CNTNAP5: variants seen among roughly 807,000 people sequenced by gnomAD.
CNTNAP5 encodes contactin associated protein family member 5.
CNTNAP5 carries 72 observed loss-of-function variants against 150.2 expected under a neutral mutation model. That is an observed-to-expected ratio of 0.48 (90% confidence interval 0.40 to 0.58). The LOEUF is 0.58. Among genes scored for constraint, CNTNAP5 ranks in the 20% least tolerant of loss-of-function variants. CNTNAP5 has a pLI of 0.00. For synonymous variants in CNTNAP5, 672 were observed against 619.8 expected (o/e 1.08, Z -1.25); for missense variants, 1,636 against 1,626.2 (o/e 1.01, Z -0.10).
intron 2 of CNTNAP5, among the ~76,000 whole-genome samples, chr2:124,235,469 C>T (rs1411088492): frequency 2.0e-5 from 3 of 151,418 alleles, no homozygotes; most frequent in Admixed American, 1.3e-4. Context: ...CAGAAGCTCT[C>T]AATTAATACC....
At chr2:124,862,710 C>A (rs969373806) in intron 19 of CNTNAP5, among the ~76,000 whole-genome samples, 3 of 152,146 alleles carry the variant, frequency 2.0e-5, no homozygotes, top group Non-Finnish European at 4.4e-5. Flanking sequence ...ATTAATGAGC[C>A]CCCAGCTCTG....
intron 3 of CNTNAP5, among the ~76,000 whole-genome samples, chr2:124,305,725 C>T (rs537679784): frequency 6.6e-6 from 1 of 152,184 alleles, no homozygotes; most frequent in Non-Finnish European, 1.5e-5. Context: ...TTCTCTCTTG[C>T]CTTTCTGCTT....
intron 12 of CNTNAP5, among the ~76,000 whole-genome samples, chr2:124,614,723 G>A (rs369407901): frequency 1.3e-5 from 2 of 152,236 alleles, no homozygotes; most frequent in African/African-American, 4.8e-5. Flanking sequence ...GGTTTTGGTG[G>A]TATTTGGCCA....
intron 3 of CNTNAP5, among the ~76,000 whole-genome samples, chr2:124,328,537 A>C (rs1377084120): frequency 1.3e-5 from 2 of 152,108 alleles, no homozygotes; most frequent in Non-Finnish European, 2.9e-5. Context: ...CCTTCTTTTT[A>C]TCACTCTATT....
chr2:124,309,783 G>A (rs1284453036), intron 3 of CNTNAP5, among the ~76,000 whole-genome samples: 2 of 152,172 alleles, frequency 1.3e-5, no homozygotes, highest in East Asian at 3.9e-4. Flanking sequence ...TTCCCATCAA[G>A]ATAGTTGAGA....
intron 19 of CNTNAP5, among the ~76,000 whole-genome samples, chr2:124,821,595 A>C (rs1682493010): frequency 6.6e-6 from 1 of 152,140 alleles, no homozygotes; most frequent in Non-Finnish European, 1.5e-5. Context: ...CAACTGTTCC[A>C]ATTACCTATT....
chr2:124,692,822 G>A (rs1373484657), intron 13 of CNTNAP5, among the ~76,000 whole-genome samples: 2 of 152,084 alleles, frequency 1.3e-5, no homozygotes, highest in Non-Finnish European at 2.9e-5. Flanking sequence ...AAACTGCACA[G>A]TGAACTGTTG....
At chr2:124,184,339 C>A (rs774794959) in intron 1 of CNTNAP5, among the ~76,000 whole-genome samples, 9 of 152,094 alleles carry the variant, frequency 5.9e-5, no homozygotes, top group Non-Finnish European at 1.3e-4. Flanking sequence ...CATGGAGAAG[C>A]AATGTGATTA....
chr2:124,196,058 T>TA (rs1685574693), intron 1 of CNTNAP5, among the ~76,000 whole-genome samples: 1 of 147,988 alleles, frequency 6.8e-6, no homozygotes, highest in Non-Finnish European at 1.5e-5. Context: ...TGATACCAGG[T>TA]AAAAAATAGC....
intron 3 of CNTNAP5, among the ~76,000 whole-genome samples, chr2:124,353,389 GT>G (rs147695088): frequency 1.4e-5 from 2 of 144,516 alleles, no homozygotes; most frequent in African/African-American, 5.1e-5. Flanking sequence ...TTTTTTCTTT[GT>G]TTTTTTTTCT....
At chr2:124,909,907 G>A (rs1558822853) in intron 22 of CNTNAP5, among the ~76,000 whole-genome samples, 4 of 144,920 alleles carry the variant, frequency 2.8e-5, no homozygotes. Flanking sequence ...CAGGTGTACA[G>A]AGATGATTAA....
At chr2:124,716,623 C>A (rs1015643269) in intron 13 of CNTNAP5, among the ~76,000 whole-genome samples, 3 of 152,038 alleles carry the variant, frequency 2.0e-5, no homozygotes, top group Non-Finnish European at 4.4e-5. Context: ...CTCTATACTC[C>A]TTCCATACTT....
intron 13 of CNTNAP5, among the ~76,000 whole-genome samples, chr2:124,652,238 C>G (rs934321254): frequency 2.6e-5 from 4 of 152,180 alleles, no homozygotes; most frequent in Non-Finnish European, 5.9e-5. Context: ...TCTCATGGAT[C>G]TTTGTCTTTC....
chr2:124,318,875 G>A (rs747623145), intron 3 of CNTNAP5, among the ~76,000 whole-genome samples: 5 of 152,014 alleles, frequency 3.3e-5, no homozygotes, highest in Non-Finnish European at 5.9e-5. Flanking sequence ...CATCATTACA[G>A]CACCTACTGG....
At chr2:124,332,399 C>T (rs143343390) in intron 3 of CNTNAP5, among the ~76,000 whole-genome samples, 1,777 of 151,226 alleles carry the variant, frequency 0.012, 30 homozygotes, top group African/African-American at 0.04. Context: ...TGTAAACCAG[C>T]ATTCTGTAGA....
At chr2:124,505,225 C>T (rs1205723370) in intron 8 of CNTNAP5, among the ~76,000 whole-genome samples, 1 of 152,152 alleles carries the variant, frequency 6.6e-6, no homozygotes, top group Non-Finnish European at 1.5e-5. Flanking sequence ...GGAATCTTCA[C>T]CATGCTTACG....
intron 1 of CNTNAP5, among the ~76,000 whole-genome samples, chr2:124,084,594 G>A (rs192100907): frequency 1.3e-3 from 201 of 151,846 alleles, no homozygotes; most frequent in Non-Finnish European, 2.5e-3. Flanking sequence ...TATTGCATTG[G>A]CTATACATAC....
At chr2:124,462,111 A>ATT (rs1476196777) in intron 6 of CNTNAP5, among the ~76,000 whole-genome samples, 79 of 152,270 alleles carry the variant, frequency 5.2e-4, no homozygotes, top group African/African-American at 1.8e-3. Flanking sequence ...GAGAAGTTGA[A>ATT]GAAGTCTCCA....
intron 1 of CNTNAP5, among the ~76,000 whole-genome samples, chr2:124,099,544 C>A (rs571953973): frequency 6.6e-6 from 1 of 152,258 alleles, no homozygotes; most frequent in South Asian, 2.1e-4. Flanking sequence ...GTTCTAATCT[C>A]AGTATAACCT....
Sources: allele counts gnomAD v4.1 joint callset (sites outside exome capture counted in the v4.1 genomes callset), GRCh38; gene constraint gnomAD v4.1.1; transcripts MANE v1.5; gene names NCBI Gene and HGNC (gene_info 2026-07-23, HGNC 2026-07-21).